C13orf46: variants seen among roughly 807,000 people sequenced by gnomAD.
C13orf46 encodes chromosome 13 open reading frame 46.
chr13:113,958,779 G>A (rs1018329690), intron 6 of C13orf46, among the ~76,000 whole-genome samples: 1 of 152,184 alleles, frequency 6.6e-6, no homozygotes, highest in African/African-American at 2.4e-5. Context: ...ACTGCCCAGG[G>A]ACACTGCAGG....
At position 113,954,934 on chromosome 13, in the gene C13orf46, C is replaced by T. The variant is rs1005059566; in HGVS notation, c.*1839G>A. The T allele has an allele frequency of 6.8e-4, 79 of 115,336 alleles. No individual in the cohort carries two copies. The highest frequency in any genetic ancestry group is 1.3e-3 in the African/African-American group (33 of 26,130). The allele number at this position is 115,336 out of a possible 1,614,324, so 7.1% of individuals were successfully genotyped here. A position where few individuals can be genotyped will look rare whatever the true frequency, so the allele number is the denominator to read the frequency against. On this transcript the variant is annotated 3_prime_UTR_variant, in exon 7 of 7. Coordinates refer to ENST00000636427, the MANE Select transcript of C13orf46 (RefSeq NM_001365455.2). ...GACGAGGAGGAGCATCTGGCGGAGA[C>T]GAGGAGGAGGATCTGGCGGAGACGA...
In C13orf46 at chr13:113,954,049, G is replaced by A. The variant is rs2052501218; in HGVS notation, c.*2724C>T. The A allele has an allele frequency of 6.6e-6, 1 of 152,284 alleles. No individual in the cohort carries two copies. Among genetic ancestry groups the A allele is most frequent in the African/African-American group, 2.4e-5 (1 of 41,442 alleles). The allele number at this position is 152,284 out of a possible 1,614,324, so 9.4% of individuals were successfully genotyped here. A position where few individuals can be genotyped will look rare whatever the true frequency, so the allele number is the denominator to read the frequency against. On this transcript the variant is annotated 3_prime_UTR_variant, in exon 7 of 7. Transcript: ENST00000636427. ...CCTGGATGGTGCCCCACTTTGATCA[G>A]AGGAAACTACCCAGTGGGACAAGCT... is the stretch of plus-strand genomic sequence containing the variant.
chr13:113,972,198 G>A (rs1429047941), intron 1 of C13orf46, among the ~76,000 whole-genome samples: 3 of 152,158 alleles, frequency 2.0e-5, no homozygotes, highest in African/African-American at 4.8e-5. Flanking sequence ...TCCACTCCCC[G>A]CCCCAACTTA....
At chr13:113,939,356 A>G in the C13orf46 span, among the ~76,000 whole-genome samples, 1 of 148,080 alleles carries the variant, frequency 6.8e-6, no homozygotes, top group Non-Finnish European at 1.5e-5. Context: ...AGACCACCCG[A>G]TGGGGAGGAT....
At chr13:113,957,837 GTATT>G (rs2052552727) in intron 6 of C13orf46, among the ~76,000 whole-genome samples, 4 of 126,104 alleles carry the variant, frequency 3.2e-5, no homozygotes, top group African/African-American at 3.1e-5. Flanking sequence ...CCTGCACTCT[GTATT>G]CACCCCCTTT....
rs1355871617 is a variant in C13orf46 at position 113,966,171 on chromosome 13, GTGA to G, written c.504+1167_504+1169del. On this transcript the variant is annotated intron_variant, in intron 5 of 6. Coordinates refer to ENST00000636427, the MANE Select transcript of C13orf46 (RefSeq NM_001365455.2). Reference sequence around the variant, plus strand: ...AATGGTGACGGTGATAGTGGTGATGGTGATGATGATGATGGTGATGATGGTCAT... The same window carrying G: ...AATGGTGACGGTGATAGTGGTGATGGTGATGATGATGGTGATGATGGTCAT... Among the ~76,000 whole-genome samples, 23 of 80,444 alleles carry G rather than the reference GTGA, an allele frequency of 2.9e-4. No individual in the cohort carries two copies. In the South Asian group the frequency reaches 4.0e-3, roughly 14 times the overall value. 52.8% of individuals were successfully genotyped at this position (80,444 alleles called of 152,430 possible). A position where few individuals can be genotyped will look rare whatever the true frequency, so the allele number is the denominator to read the frequency against.
At chr13:113,939,209 G>A in the C13orf46 span, among the ~76,000 whole-genome samples, 1 of 152,208 alleles carries the variant, frequency 6.6e-6, no homozygotes, top group Admixed American at 6.5e-5. Context: ...TTGGCTGCCT[G>A]ACACGTTCCA....
chr13:113,965,561 C>T (rs955383792), intron 5 of C13orf46, among the ~76,000 whole-genome samples: 8 of 151,682 alleles, frequency 5.3e-5, no homozygotes, highest in South Asian at 2.1e-4. Context: ...ATGGTGATGA[C>T]GATGGTGATG....
chr13:113,930,510 G>A, the C13orf46 span, among the ~76,000 whole-genome samples: 1 of 152,348 alleles, frequency 6.6e-6, no homozygotes, highest in African/African-American at 2.4e-5. Context: ...GCCTCCTGGT[G>A]TGTCCTCGCC....
chr13:113,934,561 C>T, the C13orf46 span, among the ~76,000 whole-genome samples: 1 of 152,238 alleles, frequency 6.6e-6, no homozygotes, highest in African/African-American at 2.4e-5. Flanking sequence ...GGTGCCAAGA[C>T]AACTCAATGG....
chr13:113,929,150 G>A, the C13orf46 span, among the ~76,000 whole-genome samples: 14 of 152,272 alleles, frequency 9.2e-5, no homozygotes, highest in Non-Finnish European at 1.9e-4. Context: ...GTGCGGCAGG[G>A]AAGCAGAGGC....
At chr13:113,952,888 C>T (rs1445854643), downstream of C13orf46, among the ~76,000 whole-genome samples, 7 of 152,230 alleles carry the variant, frequency 4.6e-5, no homozygotes, top group East Asian at 3.8e-4. Context: ...GGCGGGGCGG[C>T]GGGGCAGAGG....
the C13orf46 span, among the ~76,000 whole-genome samples, chr13:113,947,057 G>C: frequency 6.6e-6 from 1 of 152,274 alleles, no homozygotes; most frequent in Non-Finnish European, 1.5e-5. Flanking sequence ...GCCAGCCACA[G>C]ACCCGGGGGC....
the C13orf46 span, among the ~76,000 whole-genome samples, chr13:113,947,267 G>C: frequency 6.6e-6 from 1 of 152,312 alleles, no homozygotes; most frequent in Non-Finnish European, 1.5e-5. Flanking sequence ...GTTACTTACG[G>C]GGAAGGGGGT....
rs2052523820 is a variant in C13orf46, at chr13:113,955,741, GTCTGGCA to G, written c.*1025_*1031del. Reference sequence around the variant, plus strand: ...GTGTCTGGCAGAGACGAGGAGTAGTGTCTGGCAGAGAGGAGGAGCATCCGGCGGAGAC... The same window carrying G: ...GTGTCTGGCAGAGACGAGGAGTAGTGGAGAGGAGGAGCATCCGGCGGAGAC... On this transcript the variant is annotated 3_prime_UTR_variant, in exon 7 of 7. Transcript: ENST00000636427. The G allele has an allele frequency of 7.9e-6, 1 of 126,582 alleles. No individual in the cohort carries two copies. Among genetic ancestry groups the G allele is most frequent in the African/African-American group, 3.3e-5 (1 of 30,024 alleles). 7.8% of individuals were successfully genotyped at this position (126,582 alleles called of 1,614,324 possible). A position where few individuals can be genotyped will look rare whatever the true frequency, so the allele number is the denominator to read the frequency against.
At position 113,962,397 on chromosome 13, in the gene C13orf46, C is replaced by G. The variant is rs1024612605; in HGVS notation, c.572+2530G>C. ...CTCCAGCCTGGGCAACAGAGTGAGA[C>G]TGTGTCTCAAAAACAAAAAAAGAGA... On this transcript the variant is annotated intron_variant, in intron 6 of 6. Transcript: ENST00000636427. 6.7e-4 allele frequency among the ~76,000 whole-genome samples: 102 copies of G among 152,314 alleles called. 1 individual carries two copies. The South Asian group carries it at 0.014, about 20-fold the overall frequency.
the C13orf46 span, among the ~76,000 whole-genome samples, chr13:113,945,630 AAG>A: frequency 1.5e-5 from 2 of 133,816 alleles, no homozygotes; most frequent in South Asian, 2.3e-4. Context: ...GAAAGAAAGA[AAG>A]AAAGAAAGAA....
chr13:113,968,147 C>T (rs2052668205), intron 4 of C13orf46, among the ~76,000 whole-genome samples: 1 of 152,226 alleles, frequency 6.6e-6, no homozygotes, highest in Non-Finnish European at 1.5e-5. Flanking sequence ...TGTCCCTGGA[C>T]AACACATCAA....
At chr13:113,962,510 G>A (rs977427807) in intron 6 of C13orf46, among the ~76,000 whole-genome samples, 5 of 152,352 alleles carry the variant, frequency 3.3e-5, no homozygotes, top group African/African-American at 7.2e-5. Flanking sequence ...GAGGACTCTC[G>A]GCCTTCCTGG....
Sources: gnomAD v4.1 joint callset for allele counts (sites outside exome capture counted in the v4.1 genomes callset) on GRCh38, gnomAD v4.1.1 for gene constraint, MANE v1.5 for transcripts, NCBI Gene and HGNC (gene_info 2026-07-23, HGNC 2026-07-21) for gene names.